Variants in ASB3 observed in about 807,000 individuals in gnomAD.
ASB3 encodes ankyrin repeat and SOCS box containing 3.
ASB3 carries 41 observed loss-of-function variants against 54.5 expected under a neutral mutation model. The observed-to-expected ratio is 0.75, with a 90% CI of 0.59 to 0.98. The LOEUF is 0.98. Ranked by LOEUF, ASB3 falls within the 50% of genes least tolerant of loss-of-function variation. ASB3 has a pLI of 0.00. For missense variants in ASB3, 733 were observed against 620.0 expected (o/e 1.18, Z -1.94); for synonymous variants, 266 against 221.2 (o/e 1.20, Z -1.80).
At chr2:53,684,503 A>G (rs1216393262) in intron 9 of ASB3, among the ~76,000 whole-genome samples, 4 of 152,210 alleles carry the variant, frequency 2.6e-5, no homozygotes. Flanking sequence ...CATGGTTCTC[A>G]CTGATTATGA....
At chr2:53,686,183 T>C (rs557564767) in intron 9 of ASB3, among the ~76,000 whole-genome samples, 1 of 152,320 alleles carries the variant, frequency 6.6e-6, no homozygotes, top group Admixed American at 6.5e-5. Context: ...AACAGGAAAC[T>C]TGGGCAAAAT....
At chr2:53,747,544 T>C (rs986991420) in intron 3 of ASB3, among the ~76,000 whole-genome samples, 2 of 152,140 alleles carry the variant, frequency 1.3e-5, no homozygotes, top group Non-Finnish European at 2.9e-5. Flanking sequence ...GAAAGAACAG[T>C]ACAGTCAAAT....
At chr2:53,683,997 C>T (rs68123661) in intron 9 of ASB3, among the ~76,000 whole-genome samples, 12,032 of 151,920 alleles carry the variant, frequency 0.079, 523 homozygotes, top group East Asian at 0.17. Flanking sequence ...AGTAATTTTG[C>T]GTTTGGTTTG....
chr2:53,670,808 G>A, intron 9 of ASB3, 118 bp from the exon 10 acceptor site: 1 of 1,193,288 alleles, frequency 8.4e-7, no homozygotes, highest in Non-Finnish European at 1.2e-6. Context: ...TTGCTTGAAA[G>A]AAGACTACTT....
intron 6 of ASB3, among the ~76,000 whole-genome samples, chr2:53,715,621 T>A (rs906886858): frequency 6.6e-6 from 1 of 152,194 alleles, no homozygotes; most frequent in African/African-American, 2.4e-5. Context: ...ATCAAATTTT[T>A]AAATCTAAGT....
At position 53,781,041 on chromosome 2, in the gene ASB3, T is replaced by C. The variant is rs528157044; in HGVS notation, c.-14+5780A>G. Among the ~76,000 whole-genome samples the C allele has an allele frequency of 2.6e-4, 39 of 152,276 alleles. 1 individual carries two copies. In the South Asian group the frequency reaches 7.7e-3, roughly 30 times the overall value. On this transcript the variant is annotated intron_variant, in intron 1 of 9. Transcript: ENST00000263634. ...CAAATGTAGTATCATTTATTGAACA[T>C]TTACAACATGCCAGGAACTGTGCTA...
intron 7 of ASB3, among the ~76,000 whole-genome samples, chr2:53,704,995 C>T (rs1167645963): frequency 3.9e-5 from 6 of 152,128 alleles, no homozygotes; most frequent in African/African-American, 1.4e-4. Context: ...TCACATTGAC[C>T]TGTGATCCTA....
At chr2:53,747,676 T>C (rs896394187) in intron 3 of ASB3, among the ~76,000 whole-genome samples, 22 of 152,212 alleles carry the variant, frequency 1.4e-4, no homozygotes, top group African/African-American at 5.3e-4. Flanking sequence ...TAAACTGAGT[T>C]TGGGAGTTAC....
intron 3 of ASB3, among the ~76,000 whole-genome samples, chr2:53,747,534 G>A (rs534766302): frequency 6.6e-6 from 1 of 152,294 alleles, no homozygotes; most frequent in East Asian, 1.9e-4. Context: ...CAACGAGACT[G>A]AAAGAACAGT....
At chr2:53,777,162 T>C (rs1694164277) in intron 1 of ASB3, among the ~76,000 whole-genome samples, 1 of 152,150 alleles carries the variant, frequency 6.6e-6, no homozygotes, top group African/African-American at 2.4e-5. Context: ...AATCCTACAG[T>C]TTCTTGTGTT....
intron 3 of ASB3, among the ~76,000 whole-genome samples, chr2:53,748,715 T>A (rs1190782175): frequency 6.6e-6 from 1 of 151,810 alleles, no homozygotes; most frequent in Non-Finnish European, 1.5e-5. Context: ...AAAGTTAAAA[T>A]CATAAAAGAC....
chr2:53,747,398 T>C (rs1672284327), intron 3 of ASB3, among the ~76,000 whole-genome samples: 1 of 151,984 alleles, frequency 6.6e-6, no homozygotes, highest in Admixed American at 6.6e-5. Flanking sequence ...ATATAAAAAT[T>C]AGCCAGGCGT....
rs1558535429 is a variant in ASB3, at chr2:53,716,672, T to C, written c.676A>G (p.Lys226Glu). The change falls in exon 6 of 10, where the codon AAA (lysine) becomes GAA (glutamate). Residue 226 changes from lysine to glutamate, a missense_variant. Lys to Glu is a moderately conservative substitution (Grantham distance 56). Coordinates refer to ENST00000263634, the MANE Select transcript of ASB3 (RefSeq NM_016115.5). ...CTGGAGAGCAAAAGCTCCACACATT[T>C]TGTGTGTCCCTCTTGAGCAGCAATG... ...LFIAAQEGHT[K>E]CVELLLSSGA... is the part of the protein sequence containing the mutation. The C allele has an allele frequency of 1.9e-6, 3 of 1,614,036 alleles. No individual in the cohort carries two copies. Among genetic ancestry groups the C allele is most frequent in the South Asian group, 1.1e-5 (1 of 91,084 alleles).
At chr2:53,677,153 C>T (rs1198145312) in intron 9 of ASB3, among the ~76,000 whole-genome samples, 1 of 152,222 alleles carries the variant, frequency 6.6e-6, no homozygotes, top group Non-Finnish European at 1.5e-5. Flanking sequence ...GTATTCAGCA[C>T]AGTAACATGC....
At chr2:53,707,646 CAAA>C (rs760618822) in intron 7 of ASB3, among the ~76,000 whole-genome samples, 6 of 114,370 alleles carry the variant, frequency 5.2e-5, no homozygotes, top group African/African-American at 6.5e-5. Flanking sequence ...GACTCCGTCT[CAAA>C]AAAAAAAAAA....
At chr2:53,741,421 A>T (rs762880420) in intron 3 of ASB3, among the ~76,000 whole-genome samples, 2 of 152,250 alleles carry the variant, frequency 1.3e-5, no homozygotes, top group Non-Finnish European at 2.9e-5. Flanking sequence ...CAGAATATAA[A>T]CAACTATGTC....
At chr2:53,770,605 T>C (rs1054636793) in intron 1 of ASB3, among the ~76,000 whole-genome samples, 1 of 152,048 alleles carries the variant, frequency 6.6e-6, no homozygotes, top group Admixed American at 6.6e-5. Flanking sequence ...AGGCTTTCCA[T>C]TTATAAGCAA....
intron 1 of ASB3, among the ~76,000 whole-genome samples, chr2:53,768,973 C>T (rs1218642901): frequency 6.6e-6 from 1 of 152,138 alleles, no homozygotes; most frequent in Non-Finnish European, 1.5e-5. Context: ...ATTAAAATCA[C>T]GAAAAGAACC....
At chr2:53,771,219 C>T (rs12617668) in intron 1 of ASB3, among the ~76,000 whole-genome samples, 13,519 of 152,014 alleles carry the variant, frequency 0.089, 644 homozygotes, top group East Asian at 0.18. Context: ...TTTTTTTCCC[C>T]TAATAAAACT....
Sources: gnomAD v4.1 joint callset for allele counts (sites outside exome capture counted in the v4.1 genomes callset) on GRCh38, gnomAD v4.1.1 for gene constraint, MANE v1.5 for transcripts, NCBI Gene and HGNC (gene_info 2026-07-23, HGNC 2026-07-21) for gene names.